TAF3: variants seen among roughly 807,000 people sequenced by gnomAD.
TAF3 encodes the protein TATA-box binding protein associated factor 3, also known as transcription initiation factor TFIID subunit 3.
A neutral mutation model predicts 80.6 loss-of-function variants in TAF3; 7 were observed. The ratio of observed to expected loss-of-function variants is 0.09; its 90% CI spans 0.05 to 0.16. TAF3 has a LOEUF of 0.16. Ranked by LOEUF, TAF3 falls within the 10% of genes least tolerant of loss-of-function variation. The pLI, the probability that TAF3 is intolerant of heterozygous loss-of-function variation, is 1.00. For synonymous variants in TAF3, 444 were observed against 446.1 expected (o/e 1.00, Z 0.06); for missense variants, 921 against 1,140.2 (o/e 0.81, Z 2.77).
intron 2 of TAF3, among the ~76,000 whole-genome samples, chr10:7,942,098 C>T (rs1401075617): frequency 6.6e-6 from 1 of 152,068 alleles, no homozygotes; most frequent in Non-Finnish European, 1.5e-5. Flanking sequence ...GACAAGTTGA[C>T]ATTTTTATTA....
At chr10:7,824,612 A>G (rs766264107) in intron 2 of TAF3, 52 bp downstream of exon 2, 1 of 1,585,162 alleles carries the variant, frequency 6.3e-7, no homozygotes, top group South Asian at 1.1e-5. Context: ...ATGGATTTTT[A>G]ATCCTCTTAG....
chr10:7,924,778 G>C (rs1391875302), intron 2 of TAF3, among the ~76,000 whole-genome samples: 1 of 151,248 alleles, frequency 6.6e-6, no homozygotes, highest in Non-Finnish European at 1.5e-5. Context: ...GGTGAGAGAG[G>C]GACATGAATT....
At chr10:7,863,766 C>CACATATAT (rs1837180871) in intron 2 of TAF3, among the ~76,000 whole-genome samples, 2 of 110,874 alleles carry the variant, frequency 1.8e-5, no homozygotes, top group African/African-American at 8.0e-5. Context: ...TATATACACA[C>CACATATAT]ATGGCACATG....
At chr10:7,952,009 C>T (rs1399820982) in intron 2 of TAF3, among the ~76,000 whole-genome samples, 1 of 152,162 alleles carries the variant, frequency 6.6e-6, no homozygotes, top group African/African-American at 2.4e-5. Flanking sequence ...TTCATCCCTA[C>T]AGAACAATAC....
At chr10:7,953,343 G>A (rs1272547471) in intron 2 of TAF3, among the ~76,000 whole-genome samples, 1 of 152,206 alleles carries the variant, frequency 6.6e-6, no homozygotes, top group Non-Finnish European at 1.5e-5. Context: ...TTGTTGGTCA[G>A]TGAGATATTT....
intron 2 of TAF3, among the ~76,000 whole-genome samples, chr10:7,878,594 T>C (rs1013080475): frequency 6.6e-6 from 1 of 152,160 alleles, no homozygotes; most frequent in Non-Finnish European, 1.5e-5. Context: ...GGTATTTAAA[T>C]CAGCTATATT....
chr10:7,872,622 T>C (rs1837278142), intron 2 of TAF3, among the ~76,000 whole-genome samples: 1 of 152,224 alleles, frequency 6.6e-6, no homozygotes, highest in Admixed American at 6.5e-5. Context: ...TGCTTTCAGG[T>C]GCCCTGAATA....
intron 2 of TAF3, among the ~76,000 whole-genome samples, chr10:7,908,551 G>A (rs1304138059): frequency 2.0e-5 from 3 of 152,008 alleles, no homozygotes; most frequent in Non-Finnish European, 4.4e-5. Flanking sequence ...CATGGTCACC[G>A]TCCCCACCCT....
intron 4 of TAF3, among the ~76,000 whole-genome samples, chr10:7,983,345 G>A (rs1038093990): frequency 8.5e-5 from 13 of 152,294 alleles, no homozygotes; most frequent in African/African-American, 2.9e-4. Context: ...AGGCAAAGGC[G>A]ATTTATATGT....
chr10:7,994,871 A>G (rs1195107963), intron 4 of TAF3, among the ~76,000 whole-genome samples: 2 of 150,270 alleles, frequency 1.3e-5, no homozygotes, highest in Admixed American at 1.3e-4. Flanking sequence ...GCTACTCGGG[A>G]GGCTGAGGCA....
In TAF3 at chr10:7,965,286, C is replaced by T. The variant is rs773739558; in HGVS notation, c.1776C>T (p.Ile592=). The T allele has an allele frequency of 7.5e-6, 12 of 1,606,818 alleles. No homozygotes were observed. Among genetic ancestry groups the T allele is most frequent in the South Asian group, 1.1e-5 (1 of 88,632 alleles). Residue 592 remains isoleucine, a synonymous_variant, in exon 3 of 7, where the codon ATC becomes ATT. Transcript: ENST00000344293. The part of the protein sequence containing the change: ...EEEADPYKFK[I]KEFEDVDPKV... ...AGGCAGATCCCTACAAGTTTAAAAT[C>T]AAAGAATTTGAAGATGTTGATCCCA... is the stretch of plus-strand genomic sequence containing the variant.
intron 2 of TAF3, among the ~76,000 whole-genome samples, chr10:7,839,590 G>T (rs1047190735): frequency 6.6e-6 from 1 of 152,148 alleles, no homozygotes; most frequent in African/African-American, 2.4e-5. Flanking sequence ...ATCATTCATG[G>T]CCCTGGCATT....
intron 2 of TAF3, among the ~76,000 whole-genome samples, chr10:7,956,455 C>G (rs931260796): frequency 3.9e-5 from 6 of 152,056 alleles, no homozygotes; most frequent in African/African-American, 1.4e-4. Flanking sequence ...CCACTGCACT[C>G]CAGCCTGGGC....
At chr10:7,924,409 A>G (rs756211474) in intron 2 of TAF3, among the ~76,000 whole-genome samples, 2 of 152,180 alleles carry the variant, frequency 1.3e-5, no homozygotes, top group Admixed American at 6.5e-5. Context: ...GTAAGTGTCT[A>G]TGCTTGCCTT....
chr10:7,895,428 T>G (rs1194771662), intron 2 of TAF3, among the ~76,000 whole-genome samples: 1 of 152,182 alleles, frequency 6.6e-6, no homozygotes, highest in Non-Finnish European at 1.5e-5. Context: ...CACGGCTCTG[T>G]TTTTAAGCAT....
chr10:8,013,696 C>T (rs777531711), intron 5 of TAF3, 35 bp from the exon 6 acceptor site: 2 of 1,580,002 alleles, frequency 1.3e-6, no homozygotes, highest in Admixed American at 3.4e-5. Context: ...TTCCCATTCC[C>T]TCCATTTTTG....
chr10:7,870,396 T>C (rs1432617725), intron 2 of TAF3, among the ~76,000 whole-genome samples: 1 of 152,260 alleles, frequency 6.6e-6, no homozygotes, highest in Non-Finnish European at 1.5e-5. Context: ...AATTCTCTGC[T>C]GCTTTCCTAA....
At chr10:7,944,390 CAGTA>C (rs1336890122) in intron 2 of TAF3, among the ~76,000 whole-genome samples, 1 of 152,070 alleles carries the variant, frequency 6.6e-6, no homozygotes, top group African/African-American at 2.4e-5. Flanking sequence ...TCTAGTTAGT[CAGTA>C]AGACCATCAA....
chr10:7,989,825 G>A (rs1401944707), intron 4 of TAF3, among the ~76,000 whole-genome samples: 11 of 152,096 alleles, frequency 7.2e-5, no homozygotes, highest in Admixed American at 1.3e-4. Flanking sequence ...ATGGTGACTG[G>A]TACTGGTCCA....
Sources: allele counts gnomAD v4.1 joint callset (sites outside exome capture counted in the v4.1 genomes callset), GRCh38; gene constraint gnomAD v4.1.1; transcripts MANE v1.5; gene names NCBI Gene and HGNC (gene_info 2026-07-23, HGNC 2026-07-21).